The following ABCC4 variants were observed in gnomAD, a reference collection of about 807,000 sequenced individuals.
ABCC4 encodes ATP-binding cassette sub-family C member 4.
A neutral mutation model predicts 168.5 loss-of-function variants in ABCC4; 102 were observed. The ratio of observed to expected loss-of-function variants is 0.61; its 90% confidence interval spans 0.52 to 0.71. The LOEUF (loss-of-function observed/expected upper bound fraction) is 0.71. ABCC4 is among the 30% of genes least tolerant of loss of function. The probability of loss-of-function intolerance (pLI) is 0.00; values close to 1 mark genes in which losing one functional copy is unlikely to be tolerated. For missense variants in ABCC4, 1,402 were observed against 1,605.8 expected (o/e 0.87, Z 2.17); for synonymous variants, 617 against 590.7 (o/e 1.04, Z -0.65).
rs757713171 is a variant in ABCC4, at chr13:95,062,788, G to A, written c.3282C>T (p.Pro1094=). 7 of 1,613,354 alleles carry A rather than the reference G, an allele frequency of 4.3e-6. No individual in the cohort carries two copies. In the South Asian group the frequency reaches 4.4e-5, roughly 10 times the overall value. ...LISALFRLSE[P]EGKIWIDKIL... ...TCTTATCAATCCAAATTTTACCTTC[G>A]GGTTCTGACAATCTAAAAAGGGCTG... The change falls in exon 26 of 31, where the codon CCC becomes CCT. Residue 1094 remains proline (P), a synonymous_variant. Coordinates refer to ENST00000645237, the MANE Select transcript of ABCC4 (RefSeq NM_005845.5).
At chr13:95,157,149 A>T (rs1474636361) in intron 19 of ABCC4, among the ~76,000 whole-genome samples, 1 of 148,526 alleles carries the variant, frequency 6.7e-6, no homozygotes, top group African/African-American at 2.5e-5. Flanking sequence ...CCATTTGTCC[A>T]CTGGTGGTCA....
chr13:95,046,867 AAC>A (rs2032601580), intron 27 of ABCC4, among the ~76,000 whole-genome samples: 1 of 152,192 alleles, frequency 6.6e-6, no homozygotes, highest in Admixed American at 6.5e-5. Flanking sequence ...GAGGCAGTGG[AAC>A]ACAGTGACTA....
chr13:95,149,134 T>A (rs2036593735), intron 19 of ABCC4, among the ~76,000 whole-genome samples: 1 of 152,208 alleles, frequency 6.6e-6, no homozygotes, highest in Non-Finnish European at 1.5e-5. Context: ...ACACAGGTGT[T>A]CCCTTTTATT....
intron 30 of ABCC4, among the ~76,000 whole-genome samples, chr13:95,024,600 T>C (rs2031295085): frequency 6.6e-6 from 1 of 152,210 alleles, no homozygotes; most frequent in Admixed American, 6.5e-5. Flanking sequence ...TCTGATGTGT[T>C]GAATTCAGGC....
intron 27 of ABCC4, among the ~76,000 whole-genome samples, chr13:95,049,791 A>T (rs1359047062): frequency 6.6e-6 from 1 of 151,972 alleles, no homozygotes; most frequent in Non-Finnish European, 1.5e-5. Context: ...AAGAAGAAAT[A>T]AAAAAAACTT....
Position 95,209,530 on chromosome 13 carries a change from C to T in ABCC4, c.689G>A (p.Trp230Ter). ...LQAIAVTALL[W>*]MEIGISCLAG... ...AAGGCACGATATTCCTATCTCCATC[C>T]AGAGTAGGGCAGTCACTGCAATCGC... The change falls in exon 6 of 31, where the codon TGG becomes TAG. Residue 230 changes from tryptophan to a stop codon, truncating the protein, a stop_gained. Transcript: ENST00000645237. LOFTEE classifies it high-confidence loss of function. 1 of 1,614,156 alleles carries T rather than the reference C, an allele frequency of 6.2e-7. No homozygotes were observed. The highest frequency in any genetic ancestry group is 1.1e-5 in the South Asian group (1 of 91,084).
chr13:95,209,511 C>G lies in ABCC4; in HGVS notation c.708G>C (p.Ser236=). The G allele has an allele frequency of 6.2e-7, 1 of 1,614,204 alleles. No individual in the cohort carries two copies. The highest frequency in any genetic ancestry group is 1.1e-5 in the South Asian group (1 of 91,080). ...TALLWMEIGI[S]CLAGMAVLII... is the part of the protein sequence containing the mutation. The stretch of plus-strand genomic sequence containing the variant: ...TTAGAACTGCCATCCCAGCAAGGCA[C>G]GATATTCCTATCTCCATCCAGAGTA... The change falls in exon 6 of 31, where the codon TCG becomes TCC. Residue 236 remains serine (S), a synonymous_variant. Coordinates refer to ENST00000645237, the MANE Select transcript of ABCC4 (RefSeq NM_005845.5).
intron 4 of ABCC4, among the ~76,000 whole-genome samples, chr13:95,217,048 A>G (rs4148464): frequency 0.74 from 113,241 of 152,108 alleles, 42,986 homozygotes; most frequent in Non-Finnish European, 0.84. Context: ...CATTAAGAAC[A>G]ATACTGTGAA....
intron 3 of ABCC4, among the ~76,000 whole-genome samples, chr13:95,238,324 G>A (rs1184366005): frequency 6.6e-6 from 1 of 151,994 alleles, no homozygotes; most frequent in Non-Finnish European, 1.5e-5. Context: ...AGATATACCT[G>A]AAGTCCTCTC....
intron 3 of ABCC4, among the ~76,000 whole-genome samples, chr13:95,240,227 CA>C (rs2039896365): frequency 6.6e-6 from 1 of 152,198 alleles, no homozygotes; most frequent in Non-Finnish European, 1.5e-5. Flanking sequence ...GCAGGGCAAA[CA>C]ACACGGTTTC....
chr13:95,152,134 C>T (rs1437782143), intron 19 of ABCC4, among the ~76,000 whole-genome samples: 2 of 152,176 alleles, frequency 1.3e-5, no homozygotes, highest in African/African-American at 4.8e-5. Context: ...GGTCTAGTTC[C>T]ATGAATCACA....
intron 20 of ABCC4, among the ~76,000 whole-genome samples, chr13:95,094,691 G>A (rs1241734771): frequency 6.6e-6 from 1 of 152,192 alleles, no homozygotes. Context: ...AAACTAAGGA[G>A]CTTTTGCACC....
chr13:95,166,056 T>A, intron 15 of ABCC4, 102 bp downstream of exon 15: 1 of 1,154,608 alleles, frequency 8.7e-7, no homozygotes. Flanking sequence ...CAGAATCCAC[T>A]TTGGGACAAA....
chr13:95,186,633 T>A (rs1261949002), intron 11 of ABCC4, 68 bp downstream of exon 11: 1 of 1,440,596 alleles, frequency 6.9e-7, no homozygotes, highest in African/African-American at 1.4e-5. Context: ...TTAATAAACC[T>A]TGTTGTTCAA....
chr13:95,051,228 G>A (rs1566373065), intron 27 of ABCC4, among the ~76,000 whole-genome samples: 1 of 152,356 alleles, frequency 6.6e-6, no homozygotes, highest in South Asian at 2.1e-4. Context: ...ACTCGGCAAT[G>A]ACATGCCTTC....
chr13:95,143,304 C>T (rs376658807), intron 19 of ABCC4, among the ~76,000 whole-genome samples: 1 of 152,148 alleles, frequency 6.6e-6, no homozygotes, highest in African/African-American at 2.4e-5. Flanking sequence ...TCCTGAGATG[C>T]CCCTTCTGAC....
In ABCC4 at chr13:95,061,752, T is replaced by G. The variant is rs1359704140; in HGVS notation, c.3366+952A>C. Among the ~76,000 whole-genome samples the G allele has an allele frequency of 3.3e-5, 5 of 150,774 alleles. No homozygotes were observed. In the East Asian group the frequency reaches 7.8e-4, roughly 24 times the overall value. Reference sequence around the variant, plus strand: ...AGTTGAATATGTGGAGGTGTTAAAGTGAAGGACAGGATGGAACTGTGAGGT... The same window carrying G: ...AGTTGAATATGTGGAGGTGTTAAAGGGAAGGACAGGATGGAACTGTGAGGT... On this transcript the variant is annotated intron_variant, in intron 26 of 30. Transcript: ENST00000645237.
At chr13:95,034,390 C>T (rs1221977501) in intron 30 of ABCC4, among the ~76,000 whole-genome samples, 7 of 152,222 alleles carry the variant, frequency 4.6e-5, no homozygotes, top group Non-Finnish European at 1.0e-4. Flanking sequence ...TGTGTGCACA[C>T]ACTCGACCCC....
intron 20 of ABCC4, among the ~76,000 whole-genome samples, chr13:95,104,988 G>A (rs917529654): frequency 2.0e-5 from 3 of 152,110 alleles, no homozygotes; most frequent in African/African-American, 7.2e-5. Context: ...TACATTTATT[G>A]TGTACTTTAT....
Sources: allele counts gnomAD v4.1 joint callset (sites outside exome capture counted in the v4.1 genomes callset), GRCh38; gene constraint gnomAD v4.1.1; transcripts MANE v1.5; gene names NCBI Gene and HGNC (gene_info 2026-07-23, HGNC 2026-07-21).